GNA14: variants seen among roughly 807,000 people sequenced by gnomAD.
The protein encoded by GNA14 is G protein subunit alpha 14, also known as guanine nucleotide-binding protein subunit alpha-14.
Under a neutral mutation model 42.0 loss-of-function variants are expected in GNA14, and 50 were observed. The observed-to-expected ratio is 1.19, with a 90% confidence interval of 0.95 to 1.51. The LOEUF (loss-of-function observed/expected upper bound fraction) is 1.51. Ranked by LOEUF, GNA14 falls within the 40% of genes most tolerant of loss-of-function variation. The pLI, the probability that GNA14 is intolerant of heterozygous loss-of-function variation, is 0.00. For synonymous variants in GNA14, 173 were observed against 163.1 expected (o/e 1.06, Z -0.46); for missense variants, 473 against 446.2 (o/e 1.06, Z -0.54).
intron 1 of GNA14, among the ~76,000 whole-genome samples, chr9:77,620,578 G>A (rs1291038111): frequency 1.3e-5 from 2 of 152,124 alleles, no homozygotes; most frequent in African/African-American, 4.8e-5. Context: ...GCTGGGCGTG[G>A]TGGCTCGTGC....
chr9:77,578,058 G>A (rs1171275262), intron 1 of GNA14, among the ~76,000 whole-genome samples: 1 of 151,164 alleles, frequency 6.6e-6, no homozygotes, highest in African/African-American at 2.5e-5. Flanking sequence ...ACGAGGTCAA[G>A]AGATCGAGAC....
At chr9:77,456,751 C>T (rs182010230) in intron 2 of GNA14, among the ~76,000 whole-genome samples, 159 of 152,006 alleles carry the variant, frequency 1.0e-3, no homozygotes, top group African/African-American at 3.6e-3. Context: ...TAACCCTACT[C>T]CAAAGGATAT....
intron 2 of GNA14, among the ~76,000 whole-genome samples, chr9:77,442,741 G>A (rs1835753967): frequency 6.6e-6 from 1 of 152,180 alleles, no homozygotes; most frequent in Non-Finnish European, 1.5e-5. Context: ...TTTGGAGTTT[G>A]GGAGATAACA....
At chr9:77,620,840 T>A (rs1489850711) in intron 1 of GNA14, among the ~76,000 whole-genome samples, 28 of 112,590 alleles carry the variant, frequency 2.5e-4, no homozygotes, top group African/African-American at 8.6e-4. Flanking sequence ...AGAGGGAGAA[T>A]CTTGTCTCAA....
At chr9:77,434,261 T>C (rs2131692224) in intron 3 of GNA14, 107 bp downstream of exon 3, 5 of 1,023,192 alleles carry the variant, frequency 4.9e-6, no homozygotes, top group Non-Finnish European at 7.3e-6. Context: ...CAAGTAGCGC[T>C]GCCACTGTGC....
intron 2 of GNA14, among the ~76,000 whole-genome samples, chr9:77,467,510 G>T (rs1421641113): frequency 6.7e-6 from 1 of 150,264 alleles, no homozygotes; most frequent in Admixed American, 6.7e-5. Flanking sequence ...GTTGCATGTG[G>T]CTACTAGATT....
At chr9:77,517,518 G>A in intron 2 of GNA14, 1 of 150,136 alleles carries the variant, frequency 6.7e-6, no homozygotes, top group East Asian at 2.0e-4. Context: ...CACATTGGAG[G>A]ACACAGGTTC....
intron 2 of GNA14, among the ~76,000 whole-genome samples, chr9:77,457,968 A>G (rs185526920): frequency 6.6e-6 from 1 of 152,158 alleles, no homozygotes; most frequent in East Asian, 1.9e-4. Flanking sequence ...CAAAACAAAC[A>G]TCTGGGTCAC....
At chr9:77,535,408 G>T (rs886167401) in intron 1 of GNA14, among the ~76,000 whole-genome samples, 1 of 152,174 alleles carries the variant, frequency 6.6e-6, no homozygotes, top group East Asian at 1.9e-4. Context: ...GCCGGGTGTG[G>T]TGGCGGGCGC....
chr9:77,637,040 A>G (rs985423820), intron 1 of GNA14, among the ~76,000 whole-genome samples: 6 of 152,232 alleles, frequency 3.9e-5, no homozygotes, highest in Non-Finnish European at 8.8e-5. Flanking sequence ...ACATGCAAGT[A>G]CAAGGATCTA....
intron 1 of GNA14, 98 bp downstream of exon 1, chr9:77,647,572 C>G: frequency 7.2e-7 from 1 of 1,387,260 alleles, no homozygotes; most frequent in South Asian, 1.4e-5. Context: ...GCCCTGCACC[C>G]CGCTGGGCTC....
At chr9:77,474,383 A>G (rs535712916) in intron 2 of GNA14, among the ~76,000 whole-genome samples, 1 of 88,092 alleles carries the variant, frequency 1.1e-5, no homozygotes, top group Admixed American at 9.6e-5. Flanking sequence ...CAAATGGCTG[A>G]CAAGCACTTG....
At chr9:77,531,009 T>C (rs140999084) in intron 1 of GNA14, among the ~76,000 whole-genome samples, 3 of 152,306 alleles carry the variant, frequency 2.0e-5, no homozygotes, top group African/African-American at 4.8e-5. Flanking sequence ...TAGAAAGGAT[T>C]TCCTTCCCCT....
intron 1 of GNA14, among the ~76,000 whole-genome samples, chr9:77,581,959 A>T (rs1011245114): frequency 6.6e-6 from 1 of 152,208 alleles, no homozygotes; most frequent in African/African-American, 2.4e-5. Context: ...CTCAACTCTT[A>T]AATTGTAACA....
At chr9:77,490,807 G>C (rs182965955) in intron 2 of GNA14, among the ~76,000 whole-genome samples, 2 of 152,208 alleles carry the variant, frequency 1.3e-5, no homozygotes, top group South Asian at 4.1e-4. Context: ...CTCTGGCCTT[G>C]GCCAGCCCAG....
At position 77,621,118 on chromosome 9, in the gene GNA14, G is replaced by A. The variant is rs143085182; in HGVS notation, c.124+26552C>T. On this transcript the variant is annotated intron_variant, in intron 1 of 6. Transcript: ENST00000341700. ...TCAGTCAATTTTTATACTTTTTGTAGAGATGGAGTTTTGCCACGTTGACCA... is the reference window on the plus strand; with the variant it reads ...TCAGTCAATTTTTATACTTTTTGTAAAGATGGAGTTTTGCCACGTTGACCA... Among the ~76,000 whole-genome samples, 80 of 151,964 alleles carry A rather than the reference G, an allele frequency of 5.3e-4. 1 individual carries two copies. Among genetic ancestry groups the A allele is most frequent in the Middle Eastern group, 3.4e-3 (1 of 294 alleles).
At chr9:77,437,436 C>T (rs113454572) in intron 2 of GNA14, among the ~76,000 whole-genome samples, 2 of 151,960 alleles carry the variant, frequency 1.3e-5, no homozygotes, top group Non-Finnish European at 2.9e-5. Flanking sequence ...ATCCCAGCTA[C>T]TCGGGAGGCT....
chr9:77,441,598 A>G (rs1266911184), intron 2 of GNA14, among the ~76,000 whole-genome samples: 3 of 152,220 alleles, frequency 2.0e-5, no homozygotes, highest in Non-Finnish European at 4.4e-5. Context: ...AAGATAAAAT[A>G]TATTATTAAA....
At chr9:77,619,551 T>C (rs1823889723) in intron 1 of GNA14, among the ~76,000 whole-genome samples, 1 of 152,042 alleles carries the variant, frequency 6.6e-6, no homozygotes, top group South Asian at 2.1e-4. Flanking sequence ...GAGCAAGAAA[T>C]CCCTGGAACC....
Sources: allele counts gnomAD v4.1 joint callset (sites outside exome capture counted in the v4.1 genomes callset), GRCh38; gene constraint gnomAD v4.1.1; transcripts MANE v1.5; gene names NCBI Gene and HGNC (gene_info 2026-07-23, HGNC 2026-07-21).